ITGA11: variants seen among roughly 807,000 people sequenced by gnomAD.
The protein encoded by ITGA11 is integrin alpha-11.
A neutral mutation model predicts 141.9 loss-of-function variants in ITGA11; 97 were observed. That is an observed-to-expected ratio of 0.68 (90% CI 0.58 to 0.81). The LOEUF is 0.81. Among genes scored for constraint, ITGA11 ranks in the 30% least tolerant of loss-of-function variants. The pLI, the probability that ITGA11 is intolerant of heterozygous loss-of-function variation, is 0.00. For synonymous variants in ITGA11, 658 were observed against 624.6 expected (o/e 1.05, Z -0.80); for missense variants, 1,387 against 1,559.2 (o/e 0.89, Z 1.86).
intron 2 of ITGA11, among the ~76,000 whole-genome samples, chr15:68,386,277 G>A (rs1336123811): frequency 6.6e-6 from 1 of 152,176 alleles, no homozygotes; most frequent in Non-Finnish European, 1.5e-5. Context: ...GATGGTGGGT[G>A]TTGGCAGGAT....
intron 10 of ITGA11, among the ~76,000 whole-genome samples, chr15:68,343,222 C>T (rs965634012): frequency 1.3e-5 from 2 of 152,098 alleles, no homozygotes; most frequent in Non-Finnish European, 2.9e-5. Flanking sequence ...CAGTCACGTT[C>T]GTCATTGCGG....
intron 1 of ITGA11, among the ~76,000 whole-genome samples, chr15:68,428,164 C>T (rs768422165): frequency 2.6e-5 from 4 of 152,248 alleles, no homozygotes; most frequent in Non-Finnish European, 4.4e-5. Context: ...GAAACAGGGG[C>T]TTTTAAAATT....
intron 1 of ITGA11, among the ~76,000 whole-genome samples, chr15:68,422,564 C>A (rs1010436309): frequency 1.3e-5 from 2 of 150,326 alleles, no homozygotes; most frequent in Non-Finnish European, 3.0e-5. Flanking sequence ...GAGGAAGCTC[C>A]TCCAAGCACA....
intron 2 of ITGA11, among the ~76,000 whole-genome samples, chr15:68,397,603 A>C (rs1377370183): frequency 2.6e-5 from 2 of 76,370 alleles, no homozygotes; most frequent in Non-Finnish European, 4.8e-5. Context: ...TAAAATATTT[A>C]AAATATTATA....
chr15:68,426,672 A>G (rs1317723677), intron 1 of ITGA11, among the ~76,000 whole-genome samples: 1 of 152,086 alleles, frequency 6.6e-6, no homozygotes, highest in African/African-American at 2.4e-5. Context: ...ACCTCCTTTA[A>G]CAAGGACAAC....
chr15:68,323,250 C>G (rs1275134907), intron 18 of ITGA11, among the ~76,000 whole-genome samples: 1 of 152,136 alleles, frequency 6.6e-6, no homozygotes, highest in Non-Finnish European at 1.5e-5. Flanking sequence ...GGGAAAGGAA[C>G]TTAGTTCAGG....
At chr15:68,337,628 C>T (rs1894406918) in intron 11 of ITGA11, among the ~76,000 whole-genome samples, 3 of 152,184 alleles carry the variant, frequency 2.0e-5, no homozygotes. Context: ...CCAAGCTCTA[C>T]CCTATCAGGG....
At position 68,365,440 on chromosome 15, in the gene ITGA11, G is replaced by A. The variant is rs550815193; in HGVS notation, c.266-642C>T. On this transcript the variant is annotated intron_variant, in intron 3 of 29. Coordinates refer to ENST00000315757, the MANE Select transcript of ITGA11 (RefSeq NM_001004439.2). ...GGAATAGGGAGAGGGTCAGCTCTGCGGCAGATTAGAATCATAAAAAAATTG... is the reference window on the plus strand; with the variant it reads ...GGAATAGGGAGAGGGTCAGCTCTGCAGCAGATTAGAATCATAAAAAAATTG... 1.7e-5 allele frequency: 10 copies of A among 581,906 alleles called. No homozygotes were observed. In the African/African-American group the frequency reaches 1.8e-4, roughly 11 times the overall value. 36.0% of individuals were successfully genotyped at this position (581,906 alleles called of 1,614,324 possible). A position where few individuals can be genotyped will look rare whatever the true frequency, so the allele number is the denominator to read the frequency against.
intron 2 of ITGA11, among the ~76,000 whole-genome samples, chr15:68,371,272 T>C (rs1385098469): frequency 6.6e-6 from 1 of 152,182 alleles, no homozygotes; most frequent in Non-Finnish European, 1.5e-5. Flanking sequence ...AGCTTACTTC[T>C]CTGGGGCTGC....
chr15:68,424,672 G>T (rs1370568369), intron 1 of ITGA11, among the ~76,000 whole-genome samples: 1 of 152,180 alleles, frequency 6.6e-6, no homozygotes, highest in Non-Finnish European at 1.5e-5. Flanking sequence ...ATGTGGGCAG[G>T]TGAACAGGAG....
intron 1 of ITGA11, among the ~76,000 whole-genome samples, chr15:68,431,239 C>G (rs1897263302): frequency 2.0e-5 from 3 of 152,236 alleles, no homozygotes; most frequent in Admixed American, 2.0e-4. Context: ...AGGTTCCTGC[C>G]GCGCCCCGAC....
intron 2 of ITGA11, among the ~76,000 whole-genome samples, chr15:68,374,336 C>A (rs1227385112): frequency 1.3e-5 from 2 of 151,968 alleles, no homozygotes; most frequent in East Asian, 1.9e-4. Flanking sequence ...GACAGGGAAC[C>A]CTGCATTCCA....
At chr15:68,401,790 T>C (rs773182215) in intron 2 of ITGA11, among the ~76,000 whole-genome samples, 2 of 152,102 alleles carry the variant, frequency 1.3e-5, no homozygotes, top group South Asian at 2.1e-4. Context: ...ATCATGGAAG[T>C]TCGTTAAGTT....
chr15:68,338,527 C>T (rs1195765055), intron 11 of ITGA11, among the ~76,000 whole-genome samples: 1 of 152,226 alleles, frequency 6.6e-6, no homozygotes, highest in African/African-American at 2.4e-5. Context: ...TTCTAGGGAT[C>T]TACATTTCTG....
intron 1 of ITGA11, among the ~76,000 whole-genome samples, chr15:68,423,795 G>A (rs1030746870): frequency 4.6e-5 from 7 of 152,082 alleles, no homozygotes; most frequent in African/African-American, 1.2e-4. Flanking sequence ...CCCGCAGGCC[G>A]GCCTCCTCCT....
At chr15:68,387,324 G>A (rs1896010109) in intron 2 of ITGA11, among the ~76,000 whole-genome samples, 1 of 152,120 alleles carries the variant, frequency 6.6e-6, no homozygotes. Flanking sequence ...TTCTGCCTCT[G>A]CCTGCTGTAA....
chr15:68,347,281 C>G (rs1426718872), intron 10 of ITGA11, among the ~76,000 whole-genome samples: 1 of 152,194 alleles, frequency 6.6e-6, no homozygotes, highest in Admixed American at 6.5e-5. Context: ...CTCTGATTCT[C>G]CTGGCATCAG....
chr15:68,388,988 G>A (rs140887908), intron 2 of ITGA11, among the ~76,000 whole-genome samples: 5 of 152,162 alleles, frequency 3.3e-5, no homozygotes, highest in East Asian at 3.9e-4. Flanking sequence ...ATGGGATGGC[G>A]TCCTTTCTCT....
At position 68,326,716 on chromosome 15, in the gene ITGA11, T is replaced by C. The variant is rs1471457379; in HGVS notation, c.2149A>G (p.Asn717Asp). ...HLDEGGDRFT[N>D]RAVLLSSGQE... Reference sequence around the variant, plus strand: ...CCGGAGGAGAGCAGTACGGCTCTGTTGGTGAATCGGTCCCCGCCCTCGTCC... The same window carrying C: ...CCGGAGGAGAGCAGTACGGCTCTGTCGGTGAATCGGTCCCCGCCCTCGTCC... Residue 717 changes from asparagine (N) to aspartate (D), a missense_variant, in exon 17 of 30, where the codon AAC becomes GAC. By Grantham distance (23) the Asn-to-Asp change is conservative (BLOSUM62 1). Transcript: ENST00000315757. This position sits in a 1 kb window ranked among gnomAD's most constrained non-coding sequence, Gnocchi z 6.8. 3.8e-6 allele frequency: 6 copies of C among 1,585,774 alleles called. No individual in the cohort carries two copies. The Admixed American group carries it at 8.9e-5, about 23-fold the overall frequency.
Sources: gnomAD v4.1 joint callset for allele counts (sites outside exome capture counted in the v4.1 genomes callset) on GRCh38, gnomAD v4.1.1 for gene constraint, Gnocchi (gnomAD v3.1) non-coding constraint, MANE v1.5 for transcripts, NCBI Gene and HGNC (gene_info 2026-07-23, HGNC 2026-07-21) for gene names.